PTPRD: variants seen among roughly 807,000 people sequenced by gnomAD.
PTPRD encodes protein tyrosine phosphatase receptor type D, also known as receptor-type tyrosine-protein phosphatase delta.
PTPRD carries 34 observed loss-of-function variants against 214.5 expected under a neutral mutation model. That is an observed-to-expected ratio of 0.16 (90% CI 0.12 to 0.21). PTPRD has a LOEUF of 0.21. Ranked by LOEUF, PTPRD falls within the 10% of genes least tolerant of loss-of-function variation. PTPRD has a pLI of 1.00. For synonymous variants in PTPRD, 1,128 were observed against 845.7 expected (o/e 1.33, Z -5.79); for missense variants, 2,545 against 2,398.7 (o/e 1.06, Z -1.27).
chr9:9,763,887 T>G (rs554857102), intron 6 of PTPRD, among the ~76,000 whole-genome samples: 5 of 152,194 alleles, frequency 3.3e-5, no homozygotes, highest in Non-Finnish European at 7.4e-5. Flanking sequence ...ATATTATGCA[T>G]TCTTGACGAC....
intron 9 of PTPRD, among the ~76,000 whole-genome samples, chr9:9,244,727 C>G (rs1224282054): frequency 6.6e-6 from 1 of 152,058 alleles, no homozygotes; most frequent in Non-Finnish European, 1.5e-5. Flanking sequence ...TAGGCATGGG[C>G]AAGGACTTCA....
intron 10 of PTPRD, among the ~76,000 whole-genome samples, chr9:9,164,966 T>G (rs2099899447): frequency 6.6e-6 from 1 of 150,538 alleles, no homozygotes; most frequent in Non-Finnish European, 1.5e-5. Context: ...CGTAGGAGAA[T>G]CGCTTAACCC....
chr9:9,701,205 AT>A (rs1299215355), intron 7 of PTPRD, among the ~76,000 whole-genome samples: 1 of 152,202 alleles, frequency 6.6e-6, no homozygotes, highest in African/African-American at 2.4e-5. Context: ...CAAGGAAGCC[AT>A]TTTGGGAGGT....
chr9:8,801,911 G>C (rs1018032726), intron 11 of PTPRD, among the ~76,000 whole-genome samples: 3 of 152,084 alleles, frequency 2.0e-5, no homozygotes, highest in African/African-American at 7.2e-5. Flanking sequence ...AAAAAAGAAA[G>C]AAAGGGAAGG....
At chr9:8,888,638 G>A (rs970511463) in intron 11 of PTPRD, among the ~76,000 whole-genome samples, 2 of 152,152 alleles carry the variant, frequency 1.3e-5, no homozygotes, top group Admixed American at 6.5e-5. Context: ...TCACCTTGAG[G>A]GTTATTTTTA....
At chr9:9,959,504 A>C (rs2094196748) in intron 4 of PTPRD, among the ~76,000 whole-genome samples, 1 of 152,198 alleles carries the variant, frequency 6.6e-6, no homozygotes. Flanking sequence ...CATTTAAAAA[A>C]TTTAGCAGAT....
chr9:9,187,435 C>A (rs1014564274), intron 9 of PTPRD, among the ~76,000 whole-genome samples: 1 of 151,980 alleles, frequency 6.6e-6, no homozygotes, highest in Non-Finnish European at 1.5e-5. Flanking sequence ...CTAAAGGTAC[C>A]TGTCTTATGA....
chr9:9,375,727 A>G (rs1039707767), intron 9 of PTPRD, among the ~76,000 whole-genome samples: 3 of 152,206 alleles, frequency 2.0e-5, no homozygotes, highest in African/African-American at 7.2e-5. Context: ...GACTCCACTC[A>G]CATGAGGTAT....
chr9:9,783,258 T>A (rs1464615459), intron 5 of PTPRD, among the ~76,000 whole-genome samples: 4 of 152,198 alleles, frequency 2.6e-5, no homozygotes, highest in Non-Finnish European at 4.4e-5. Flanking sequence ...TATATTTTTT[T>A]ACCAAGGTTT....
At chr9:9,817,052 A>G (rs924655202) in intron 5 of PTPRD, among the ~76,000 whole-genome samples, 9 of 152,070 alleles carry the variant, frequency 5.9e-5, no homozygotes, top group Non-Finnish European at 1.3e-4. Context: ...CCAGCTGTCA[A>G]AAAAATTATC....
chr9:8,763,756 C>G (rs1416235305), intron 11 of PTPRD, among the ~76,000 whole-genome samples: 1 of 151,078 alleles, frequency 6.6e-6, no homozygotes, highest in Non-Finnish European at 1.5e-5. Context: ...AGAGAATGAT[C>G]ATAAGTTACC....
intron 8 of PTPRD, among the ~76,000 whole-genome samples, chr9:9,525,911 A>T (rs2074019662): frequency 6.6e-6 from 1 of 152,098 alleles, no homozygotes; most frequent in African/African-American, 2.4e-5. Flanking sequence ...CTAAGTCAAC[A>T]TAAAAAACAT....
chr9:10,237,533 G>C (rs1016129493), intron 3 of PTPRD, among the ~76,000 whole-genome samples: 2 of 151,862 alleles, frequency 1.3e-5, no homozygotes, highest in Non-Finnish European at 2.9e-5. Flanking sequence ...AAAAATTTAA[G>C]CAAGCCTTCT....
chr9:10,220,578 G>A lies in PTPRD; in HGVS notation c.-545+120385C>T, dbSNP rs528444432. Among the ~76,000 whole-genome samples, 16 of 151,992 alleles carry A rather than the reference G, an allele frequency of 1.1e-4. No individual in the cohort carries two copies. In the South Asian group the frequency reaches 3.1e-3, roughly 30 times the overall value. ...TACAAATTTAAAAAGTTAATTGACA[G>A]CTGTCCTGTTACAATTATTTTTAAA... On this transcript the variant is annotated intron_variant, in intron 3 of 45. Coordinates refer to ENST00000381196, the MANE Select transcript of PTPRD (RefSeq NM_002839.4).
At chr9:10,439,800 T>A (rs2154522998) in intron 2 of PTPRD, among the ~76,000 whole-genome samples, 1 of 151,848 alleles carries the variant, frequency 6.6e-6, no homozygotes, top group Middle Eastern at 3.4e-3. Flanking sequence ...GAGCAAGTAA[T>A]AGGGCAGGAA....
At chr9:8,782,474 C>G (rs528421462) in intron 11 of PTPRD, among the ~76,000 whole-genome samples, 4 of 152,222 alleles carry the variant, frequency 2.6e-5, no homozygotes, top group Admixed American at 6.5e-5. Flanking sequence ...AATTTTATAT[C>G]CTCAATTTCT....
At chr9:9,922,616 A>C (rs2082883109) in intron 5 of PTPRD, among the ~76,000 whole-genome samples, 1 of 152,106 alleles carries the variant, frequency 6.6e-6, no homozygotes, top group South Asian at 2.1e-4. Flanking sequence ...CCAATGTTGG[A>C]GTGAGAAAAC....
intron 4 of PTPRD, among the ~76,000 whole-genome samples, chr9:9,992,098 G>A (rs906748800): frequency 6.6e-6 from 1 of 152,130 alleles, no homozygotes. Flanking sequence ...GGCTGTGGGC[G>A]GTAGAATGGA....
chr9:10,594,158 G>A (rs1257184736), intron 2 of PTPRD, among the ~76,000 whole-genome samples: 1 of 151,852 alleles, frequency 6.6e-6, no homozygotes, highest in Non-Finnish European at 1.5e-5. Context: ...GCCTAAACAA[G>A]CAGATTACAT....
Sources: gnomAD v4.1 joint callset for allele counts (sites outside exome capture counted in the v4.1 genomes callset) on GRCh38, gnomAD v4.1.1 for gene constraint, MANE v1.5 for transcripts, NCBI Gene and HGNC (gene_info 2026-07-23, HGNC 2026-07-21) for gene names.